Variants in TMEM144 observed in about 807,000 individuals in gnomAD.
TMEM144 encodes the protein transmembrane protein 144.
In TMEM144, 39 loss-of-function variants were observed where a neutral mutation model predicts 43.6. The observed-to-expected ratio is 0.90, with a 90% CI of 0.69 to 1.17. The LOEUF (loss-of-function observed/expected upper bound fraction) is 1.17, where lower values mean the gene tolerates loss of function less well. TMEM144 is among the 50% of genes most tolerant of loss of function. The probability of loss-of-function intolerance (pLI) is 0.00; values close to 1 mark genes in which losing one functional copy is unlikely to be tolerated. For synonymous variants in TMEM144, 154 were observed against 133.6 expected (o/e 1.15, Z -1.06); for missense variants, 417 against 411.9 (o/e 1.01, Z -0.11).
intron 6 of TMEM144, among the ~76,000 whole-genome samples, chr4:158,229,387 G>C (rs1229899815): frequency 6.6e-6 from 1 of 152,066 alleles, no homozygotes; most frequent in Non-Finnish European, 1.5e-5. Flanking sequence ...CTGGGATCTC[G>C]GACCCCAAGA....
At chr4:158,241,651 A>T (rs1453331784) in intron 11 of TMEM144, 45 bp downstream of exon 11, 2 of 1,555,390 alleles carry the variant, frequency 1.3e-6, no homozygotes, top group Non-Finnish European at 1.8e-6. Flanking sequence ...TTATAAATGT[A>T]AACCCAATTT....
At chr4:158,227,841 CAA>C in intron 6 of TMEM144, among the ~76,000 whole-genome samples, 1 of 136,886 alleles carries the variant, frequency 7.3e-6, no homozygotes, top group Admixed American at 7.0e-5. Context: ...CTACTTTACA[CAA>C]AGTTTTAAGT....
intron 11 of TMEM144, 82 bp from the exon 12 acceptor site, chr4:158,244,214 C>A (rs1735766076): frequency 2.0e-6 from 2 of 994,888 alleles, no homozygotes; most frequent in South Asian, 2.1e-5. Context: ...TATGTTTATA[C>A]TGTCTCTAAC....
At chr4:158,224,305 A>G (rs1360537496) in intron 6 of TMEM144, among the ~76,000 whole-genome samples, 3 of 152,160 alleles carry the variant, frequency 2.0e-5, no homozygotes, top group South Asian at 2.1e-4. Flanking sequence ...AATTCTGGAT[A>G]TTAAACCTTT....
At chr4:158,253,352 A>G (rs548534488) in intron 12 of TMEM144, 92 bp from the exon 13 acceptor site, 32 of 1,084,058 alleles carry the variant, frequency 3.0e-5, no homozygotes, top group Middle Eastern at 3.0e-4. Context: ...GCTAGAGCAG[A>G]TGGTTAGGTC....
At chr4:158,222,223 A>G (rs1734544476) in intron 6 of TMEM144, among the ~76,000 whole-genome samples, 1 of 152,150 alleles carries the variant, frequency 6.6e-6, no homozygotes, top group Non-Finnish European at 1.5e-5. Flanking sequence ...TGGATAGTTG[A>G]TATCTGCCCT....
Position 158,237,659 on chromosome 4 carries a change from T to C in TMEM144, c.682+16T>C. On this transcript the variant is annotated intron_variant, in intron 9 of 12. Coordinates refer to ENST00000296529, the MANE Select transcript of TMEM144 (RefSeq NM_018342.5). ...AGCCAATATGGTGAGAATAAAAAGT[T>C]ATCTTACTTTATTAATATCTACTTT... 1.3e-6 allele frequency: 2 copies of C among 1,490,288 alleles called. No individual in the cohort carries two copies. Among genetic ancestry groups the C allele is most frequent in the African/African-American group, 1.4e-5 (1 of 71,908 alleles). The allele number at this position is 1,490,288 out of a possible 1,614,324, so 92.3% of individuals were successfully genotyped here.
chr4:158,217,270 T>C, intron 4 of TMEM144, 51 bp from the exon 5 acceptor site: 2 of 1,274,086 alleles, frequency 1.6e-6, no homozygotes, highest in South Asian at 1.4e-5. Context: ...TATTTATAAA[T>C]GTATTTTCTA....
intron 6 of TMEM144, among the ~76,000 whole-genome samples, chr4:158,232,580 A>G (rs1735136141): frequency 6.6e-6 from 1 of 152,254 alleles, no homozygotes; most frequent in Admixed American, 6.5e-5. Flanking sequence ...TGGTCGATAT[A>G]ATAGCTAAGA....
At position 158,229,771 on chromosome 4, in the gene TMEM144, G is replaced by A. The variant is rs189333459; in HGVS notation, c.414-3130G>A. ...GGGTCAGGCCTGAAGAGGTGCTCTG[G>A]CCACATTCTGCCACAGACAGTGTGT... On this transcript the variant is annotated intron_variant, in intron 6 of 12. Coordinates refer to ENST00000296529, the MANE Select transcript of TMEM144 (RefSeq NM_018342.5). Among the ~76,000 whole-genome samples the A allele has an allele frequency of 4.6e-5, 7 of 152,270 alleles. No individual in the cohort carries two copies. In the East Asian group the frequency reaches 1.4e-3, roughly 29 times the overall value.
chr4:158,214,303 C>T (rs931211358), intron 3 of TMEM144, among the ~76,000 whole-genome samples: 5 of 152,190 alleles, frequency 3.3e-5, no homozygotes, highest in African/African-American at 4.8e-5. Flanking sequence ...GCTAGGATTA[C>T]AGGCCTAAGC....
chr4:158,246,586 T>G (rs1735903177), intron 12 of TMEM144, among the ~76,000 whole-genome samples: 1 of 152,186 alleles, frequency 6.6e-6, no homozygotes, highest in African/African-American at 2.4e-5. Context: ...TTGAAACATT[T>G]ATAAACCTCT....
intron 8 of TMEM144, 30 bp downstream of exon 8, chr4:158,235,535 ACT>A: frequency 6.3e-7 from 1 of 1,580,216 alleles, no homozygotes. Context: ...TTGCTCTATT[ACT>A]CTGTTTCATA....
intron 12 of TMEM144, among the ~76,000 whole-genome samples, chr4:158,250,397 C>A (rs915719561): frequency 1.3e-5 from 2 of 152,006 alleles, no homozygotes; most frequent in African/African-American, 2.4e-5. Flanking sequence ...AAACACAAGA[C>A]CTTTAAGGAA....
intron 6 of TMEM144, among the ~76,000 whole-genome samples, chr4:158,229,380 G>T (rs1267850224): frequency 6.6e-6 from 1 of 152,078 alleles, no homozygotes; most frequent in African/African-American, 2.4e-5. Flanking sequence ...TCTTCATCTG[G>T]GATCTCGGAC....
At chr4:158,239,159 G>C (rs867228631) in intron 9 of TMEM144, among the ~76,000 whole-genome samples, 2 of 152,164 alleles carry the variant, frequency 1.3e-5, no homozygotes, top group African/African-American at 4.8e-5. Context: ...TTTAATCACT[G>C]TATTTTGCTT....
chr4:158,243,155 G>A (rs1309725757), intron 11 of TMEM144, among the ~76,000 whole-genome samples: 1 of 152,158 alleles, frequency 6.6e-6, no homozygotes, highest in Non-Finnish European at 1.5e-5. Flanking sequence ...CATTAATATG[G>A]TATCCTCTGT....
At chr4:158,252,875 G>A (rs1297618785) in intron 12 of TMEM144, among the ~76,000 whole-genome samples, 1 of 151,682 alleles carries the variant, frequency 6.6e-6, no homozygotes, top group East Asian at 1.9e-4. Context: ...TCAGGTCCAT[G>A]GTCTTCCAAC....
chr4:158,225,250 G>A (rs1176699334), intron 6 of TMEM144, among the ~76,000 whole-genome samples: 1 of 152,168 alleles, frequency 6.6e-6, no homozygotes, highest in East Asian at 1.9e-4. Context: ...CCCTTGGCCA[G>A]GGCCCTATAG....
Sources: allele counts gnomAD v4.1 joint callset (sites outside exome capture counted in the v4.1 genomes callset), GRCh38; gene constraint gnomAD v4.1.1; transcripts MANE v1.5; gene names NCBI Gene and HGNC (gene_info 2026-07-23, HGNC 2026-07-21).